Variants in PLB1 observed in about 807,000 individuals in gnomAD.
PLB1 encodes phospholipase B1.
In PLB1, 242 loss-of-function variants were observed where a neutral mutation model predicts 227.4. That is an observed-to-expected ratio of 1.06 (90% confidence interval 0.96 to 1.18). The LOEUF (loss-of-function observed/expected upper bound fraction) is 1.18. PLB1 is among the 50% of genes most tolerant of loss of function. The probability of loss-of-function intolerance (pLI) is 0.00; values close to 1 mark genes in which losing one functional copy is unlikely to be tolerated. For missense variants in PLB1, 1,858 were observed against 1,816.3 expected, an observed-to-expected ratio of 1.02 and a Z score of -0.42; for synonymous variants, 757 against 682.2, an observed-to-expected ratio of 1.11 and a Z score of -1.71.
At chr2:28,593,088 C>T (rs913057656) in intron 32 of PLB1, among the ~76,000 whole-genome samples, 2 of 152,094 alleles carry the variant, frequency 1.3e-5, no homozygotes, top group African/African-American at 4.8e-5. Context: ...ACATCTGTTT[C>T]TTCTTTGCAT....
intron 17 of PLB1, among the ~76,000 whole-genome samples, chr2:28,556,917 C>CA (rs1391876792): frequency 1.3e-5 from 2 of 152,162 alleles, no homozygotes; most frequent in African/African-American, 4.8e-5. Context: ...ATCAGCTCTT[C>CA]AAAAGCCAAT....
intron 1 of PLB1, among the ~76,000 whole-genome samples, chr2:28,509,050 G>C (rs1019427832): frequency 2.0e-5 from 3 of 152,114 alleles, no homozygotes; most frequent in African/African-American, 7.2e-5. Context: ...AAGAAGACAG[G>C]GAAGCTAGTC....
At chr2:28,543,150 T>A (rs1262368594) in intron 13 of PLB1, 62 bp from the exon 14 acceptor site, 1 of 1,517,360 alleles carries the variant, frequency 6.6e-7, no homozygotes, top group Non-Finnish European at 9.0e-7. Flanking sequence ...TCAAAGTGTG[T>A]AGCAGGTCCG....
In PLB1 at chr2:28,601,266, T is replaced by C. The variant is rs375665234; in HGVS notation, c.2541T>C (p.His847=). 7.4e-6 allele frequency: 12 copies of C among 1,613,652 alleles called. No homozygotes were observed. In the African/African-American group the frequency reaches 1.6e-4, roughly 22 times the overall value. ...KMKDDHRVNF[H]EDWKVITVLI... The stretch of plus-strand genomic sequence containing the variant: ...CCTCCATATAGAGAGTAAATTTCCA[T>C]GAAGACTGGAAGGTCATCACAGTGC... The change falls in exon 37 of 58, where the codon CAT becomes CAC. Residue 847 remains histidine (H), a synonymous_variant. Coordinates refer to ENST00000327757, the MANE Select transcript of PLB1 (RefSeq NM_153021.5).
chr2:28,585,552 C>G, intron 25 of PLB1: 1 of 499,446 alleles, frequency 2.0e-6, no homozygotes, highest in Non-Finnish European at 3.7e-6. Flanking sequence ...GCTGGCATTA[C>G]AGGCGTGAGC....
At chr2:28,570,001 AT>A (rs1157412493) in intron 20 of PLB1, among the ~76,000 whole-genome samples, 1 of 151,356 alleles carries the variant, frequency 6.6e-6, no homozygotes, top group Admixed American at 6.6e-5. Context: ...GAAAATCTGA[AT>A]AGATTTATAA....
chr2:28,530,990 C>CTG (rs1670934881), intron 8 of PLB1, among the ~76,000 whole-genome samples: 1 of 152,226 alleles, frequency 6.6e-6, no homozygotes, highest in Non-Finnish European at 1.5e-5. Flanking sequence ...GTGACCTGTG[C>CTG]AAGTTCACAC....
At chr2:28,552,728 G>A (rs1558741474) in intron 16 of PLB1, among the ~76,000 whole-genome samples, 200 bp from the exon 17 acceptor site, 1 of 152,208 alleles carries the variant, frequency 6.6e-6, no homozygotes, top group Non-Finnish European at 1.5e-5. Context: ...AGGCACTGGA[G>A]CAGAGGGAAC....
intron 43 of PLB1, among the ~76,000 whole-genome samples, chr2:28,609,765 GT>G (rs1027378334): frequency 6.6e-6 from 1 of 152,102 alleles, no homozygotes; most frequent in African/African-American, 2.4e-5. Flanking sequence ...CTTCATTAGG[GT>G]TTTCAAGCTC....
At position 28,525,327 on chromosome 2, in the gene PLB1, A is replaced by G; in HGVS notation, c.284+20A>G. Reference sequence around the variant, plus strand: ...AGACTGGTAACTATCCTGAAAACACAGAAAACAGAAAGGAGCCCGGAGATG... The same window carrying G: ...AGACTGGTAACTATCCTGAAAACACGGAAAACAGAAAGGAGCCCGGAGATG... On this transcript the variant is annotated intron_variant, in intron 5 of 57. Transcript: ENST00000327757. 5 of 1,611,668 alleles carry G rather than the reference A, an allele frequency of 3.1e-6. No individual in the cohort carries two copies. The highest frequency in any genetic ancestry group is 4.2e-6 in the Non-Finnish European group (5 of 1,178,386).
At chr2:28,529,543 C>A in intron 7 of PLB1, 136 bp downstream of exon 7, 1 of 942,632 alleles carries the variant, frequency 1.1e-6, no homozygotes. Flanking sequence ...CCAAATGCCC[C>A]CTCAAGCTGA....
At chr2:28,557,966 A>T (rs1035220830) in intron 17 of PLB1, among the ~76,000 whole-genome samples, 1 of 152,218 alleles carries the variant, frequency 6.6e-6, no homozygotes, top group African/African-American at 2.4e-5. Context: ...GGTTTGCTTC[A>T]TCTGGTTTAT....
chr2:28,505,486 C>T (rs1667542658), intron 1 of PLB1, among the ~76,000 whole-genome samples: 1 of 152,144 alleles, frequency 6.6e-6, no homozygotes, highest in South Asian at 2.1e-4. Context: ...TTATTTTCCT[C>T]GAATGGGTCA....
At chr2:28,642,660 G>A (rs1427976871) in intron 57 of PLB1, among the ~76,000 whole-genome samples, 198 bp from the exon 58 acceptor site, 1 of 152,216 alleles carries the variant, frequency 6.6e-6, no homozygotes, top group African/African-American at 2.4e-5. Flanking sequence ...TTCTAGCTGG[G>A]TGTTGACCTC....
chr2:28,605,997 A>T, intron 42 of PLB1, 49 bp downstream of exon 42: 3 of 1,435,408 alleles, frequency 2.1e-6, no homozygotes, highest in Non-Finnish European at 2.9e-6. Flanking sequence ...AGTCTAGGGC[A>T]GGGCACCAGC....
chr2:28,537,066 G>A (rs1671785128), intron 9 of PLB1, among the ~76,000 whole-genome samples: 1 of 152,212 alleles, frequency 6.6e-6, no homozygotes, highest in Non-Finnish European at 1.5e-5. Context: ...TCAGGGAGCA[G>A]CTCACTTAGG....
chr2:28,634,710 C>A (rs1029482036), intron 56 of PLB1, among the ~76,000 whole-genome samples: 1 of 152,126 alleles, frequency 6.6e-6, no homozygotes, highest in African/African-American at 2.4e-5. Context: ...GAATTAGACA[C>A]CAACCTGGGC....
At chr2:28,608,403 C>CG (rs1684974321) in intron 43 of PLB1, among the ~76,000 whole-genome samples, 1 of 152,186 alleles carries the variant, frequency 6.6e-6, no homozygotes, top group African/African-American at 2.4e-5. Context: ...AGGCAACAGG[C>CG]AACAGGCAAG....
chr2:28,581,837 C>T (rs1458588925), intron 23 of PLB1, among the ~76,000 whole-genome samples: 3 of 151,794 alleles, frequency 2.0e-5, no homozygotes, highest in African/African-American at 4.8e-5. Context: ...GGCACGCACC[C>T]ATGGTCCCAG....
Sources: allele counts gnomAD v4.1 joint callset (sites outside exome capture counted in the v4.1 genomes callset), GRCh38; gene constraint gnomAD v4.1.1; transcripts MANE v1.5; gene names NCBI Gene and HGNC (gene_info 2026-07-23, HGNC 2026-07-21).